The following GRAMD2B variants were observed in gnomAD, a reference collection of about 807,000 sequenced individuals.
The protein encoded by GRAMD2B is GRAM domain containing 2B.
Under a neutral mutation model 59.2 loss-of-function variants are expected in GRAMD2B, and 41 were observed. The observed-to-expected ratio is 0.69, with a 90% CI of 0.54 to 0.90. GRAMD2B has a LOEUF of 0.90. GRAMD2B is among the 40% of genes least tolerant of loss of function. GRAMD2B has a pLI of 0.00. For missense variants in GRAMD2B, 424 were observed against 500.5 expected (o/e 0.85, Z 1.46); for synonymous variants, 161 against 182.7 (o/e 0.88, Z 0.96).
chr5:126,369,227 T>C (rs1418005955), upstream of GRAMD2B, among the ~76,000 whole-genome samples: 1 of 152,170 alleles, frequency 6.6e-6, no homozygotes, highest in South Asian at 2.1e-4. Context: ...CCAGTCTCAA[T>C]TGATTTGCCT....
chr5:126,420,394 C>T (rs1161709498), upstream of GRAMD2B, among the ~76,000 whole-genome samples: 17 of 152,226 alleles, frequency 1.1e-4, no homozygotes, highest in East Asian at 3.3e-3. Flanking sequence ...GCCTTTTAAA[C>T]GTAAGCAAAC....
chr5:126,426,469 T>C (rs1760639170), intron 1 of GRAMD2B, among the ~76,000 whole-genome samples: 1 of 152,232 alleles, frequency 6.6e-6, no homozygotes, highest in African/African-American at 2.4e-5. Context: ...TAATTAACAA[T>C]TAATGTTTAT....
At chr5:126,466,914 T>C (rs73338030) in intron 2 of GRAMD2B, among the ~76,000 whole-genome samples, 2,353 of 152,332 alleles carry the variant, frequency 0.015, 58 homozygotes, top group African/African-American at 0.053. Context: ...CTAAACTTCA[T>C]GGGCATGCGG....
At chr5:126,367,066 A>T (rs1234674686), upstream of GRAMD2B, among the ~76,000 whole-genome samples, 2 of 152,040 alleles carry the variant, frequency 1.3e-5, no homozygotes, top group South Asian at 4.2e-4. Flanking sequence ...CATGTTGGCC[A>T]GGCTGGTCTC....
chr5:126,476,052 G>A (rs1011371836), intron 5 of GRAMD2B, among the ~76,000 whole-genome samples: 7 of 152,146 alleles, frequency 4.6e-5, no homozygotes, highest in African/African-American at 1.7e-4. Context: ...AGGTTGCGGT[G>A]AGCCGAGATC....
At chr5:126,478,804 T>C (rs913082770) in intron 6 of GRAMD2B, among the ~76,000 whole-genome samples, 1 of 152,154 alleles carries the variant, frequency 6.6e-6, no homozygotes, top group African/African-American at 2.4e-5. Context: ...ACTGACAGGG[T>C]GAGGCAGGCA....
chr5:126,426,873 G>A (rs1760703298), intron 1 of GRAMD2B, among the ~76,000 whole-genome samples: 1 of 152,162 alleles, frequency 6.6e-6, no homozygotes, highest in African/African-American at 2.4e-5. Context: ...AGGTGAAGCT[G>A]CTGATACACT....
At chr5:126,397,931 G>A (rs777894172) in intron 1 of GRAMD2B, among the ~76,000 whole-genome samples, 1 of 151,330 alleles carries the variant, frequency 6.6e-6, no homozygotes, top group Non-Finnish European at 1.5e-5. Flanking sequence ...AAAAATTTAA[G>A]ATGGACTGCT....
At chr5:126,400,569 T>G (rs1043917140) in intron 1 of GRAMD2B, among the ~76,000 whole-genome samples, 3 of 152,192 alleles carry the variant, frequency 2.0e-5, no homozygotes, top group African/African-American at 7.2e-5. Flanking sequence ...CATTTTCATA[T>G]GTTTTCATGT....
chr5:126,392,722 G>A (rs1756941508), intron 1 of GRAMD2B, among the ~76,000 whole-genome samples: 1 of 151,952 alleles, frequency 6.6e-6, no homozygotes, highest in Non-Finnish European at 1.5e-5. Context: ...TGAGGTGGGG[G>A]CAGGGGGTGC....
intron 1 of GRAMD2B, among the ~76,000 whole-genome samples, chr5:126,456,779 C>T (rs533132244): frequency 6.6e-6 from 1 of 152,194 alleles, no homozygotes; most frequent in Non-Finnish European, 1.5e-5. Flanking sequence ...ATCACTTTGA[C>T]TCCCCACTTT....
In GRAMD2B at chr5:126,486,950, C is replaced by T; in HGVS notation, c.1136C>T (p.Thr379Ile). 1.2e-6 allele frequency: 2 copies of T among 1,607,814 alleles called. No homozygotes were observed. Among genetic ancestry groups the T allele is most frequent in the East Asian group, 4.5e-5 (2 of 44,766 alleles). Reference sequence around the variant, plus strand: ...CTGGAGGAGCAGCTGGGGTTACTAACCTCCATTGTGGACACCCATAATACT... The same window carrying T: ...CTGGAGGAGCAGCTGGGGTTACTAATCTCCATTGTGGACACCCATAATACT... ...NTLEEQLGLL[T>I]SIVDTHNTEQ... The change falls in exon 12 of 14, where the codon ACC becomes ATC. Residue 379 changes from threonine to isoleucine, a missense_variant. Thr to Ile is a moderately conservative substitution (Grantham distance 89, BLOSUM62 -1). Transcript: ENST00000285689.
intron 1 of GRAMD2B, among the ~76,000 whole-genome samples, chr5:126,461,513 C>T (rs1288233911): frequency 6.6e-6 from 1 of 152,086 alleles, no homozygotes; most frequent in African/African-American, 2.4e-5. Flanking sequence ...AAATGCTGTT[C>T]CCTGGCTGGG....
At chr5:126,423,287 A>C, upstream of GRAMD2B, 1 of 1,187,476 alleles carries the variant, frequency 8.4e-7, no homozygotes, top group Non-Finnish European at 1.0e-6. Flanking sequence ...TCCTCTCCCG[A>C]AAGACTCGTT....
chr5:126,399,221 C>T (rs1045005336), intron 1 of GRAMD2B, among the ~76,000 whole-genome samples: 7 of 152,054 alleles, frequency 4.6e-5, no homozygotes, highest in Non-Finnish European at 7.3e-5. Flanking sequence ...TATAGTATTG[C>T]TCTTAATTTC....
chr5:126,466,196 A>G (rs144091707), intron 2 of GRAMD2B: 2 of 1,520,096 alleles, frequency 1.3e-6, no homozygotes, highest in Non-Finnish European at 8.8e-7. Context: ...GTGGTCCTTC[A>G]CCATTATTAG....
At chr5:126,440,861 G>A (rs777647372) in intron 1 of GRAMD2B, among the ~76,000 whole-genome samples, 1 of 152,024 alleles carries the variant, frequency 6.6e-6, no homozygotes, top group Non-Finnish European at 1.5e-5. Context: ...ATGAAAGGTG[G>A]CATTTATCTC....
chr5:126,483,154 G>A (rs1772209547), intron 8 of GRAMD2B, among the ~76,000 whole-genome samples: 1 of 152,126 alleles, frequency 6.6e-6, no homozygotes, highest in Non-Finnish European at 1.5e-5. Context: ...TCATTACGAA[G>A]TGCTAATGAA....
intron 1 of GRAMD2B, among the ~76,000 whole-genome samples, chr5:126,362,008 C>A (rs1304990455): frequency 6.6e-6 from 1 of 152,204 alleles, no homozygotes; most frequent in East Asian, 1.9e-4. Flanking sequence ...ACCACCATCA[C>A]CCCAAATGTG....
Sources: gnomAD v4.1 joint callset for allele counts (sites outside exome capture counted in the v4.1 genomes callset) on GRCh38, gnomAD v4.1.1 for gene constraint, MANE v1.5 for transcripts, NCBI Gene and HGNC (gene_info 2026-07-23, HGNC 2026-07-21) for gene names.